OLFM2: variants seen among roughly 807,000 people sequenced by gnomAD.
OLFM2 encodes olfactomedin 2, also known as noelin-2.
In OLFM2, 20 loss-of-function variants were observed where a neutral mutation model predicts 43.9. That is an observed-to-expected ratio of 0.46 (90% CI 0.32 to 0.66). The LOEUF is 0.66. OLFM2 is among the 30% of genes least tolerant of loss of function. The probability of loss-of-function intolerance (pLI) is 0.04; values close to 1 mark genes in which losing one functional copy is unlikely to be tolerated. For synonymous variants in OLFM2, 268 were observed against 278.6 expected (o/e 0.96, Z 0.38); for missense variants, 416 against 643.6 (o/e 0.65, Z 3.83).
intron 1 of OLFM2, among the ~76,000 whole-genome samples, chr19:9,898,098 A>C (rs2046702259): frequency 6.9e-6 from 1 of 145,422 alleles, no homozygotes. Context: ...TGAGACAGAC[A>C]CGGGATTTCA....
intron 1 of OLFM2, chr19:9,913,619 G>A: frequency 7.7e-7 from 1 of 1,296,412 alleles, no homozygotes; most frequent in South Asian, 1.8e-5. Context: ...CACCGACATC[G>A]CGCCTCCGCC....
At chr19:9,909,818 C>T (rs73018064) in intron 1 of OLFM2, among the ~76,000 whole-genome samples, 6,108 of 152,220 alleles carry the variant, frequency 0.04, 172 homozygotes, top group Non-Finnish European at 0.062. Context: ...AATGTTTATT[C>T]CAGGCTTGGC....
chr19:9,925,982 TA>T (rs2086450079), intron 1 of OLFM2, among the ~76,000 whole-genome samples: 1 of 151,012 alleles, frequency 6.6e-6, no homozygotes, highest in Non-Finnish European at 1.5e-5. Context: ...AGAAAAAATT[TA>T]AGAATTAGCC....
chr19:9,899,189 C>T (rs1599488184), intron 1 of OLFM2, among the ~76,000 whole-genome samples: 1 of 151,872 alleles, frequency 6.6e-6, no homozygotes, highest in African/African-American at 2.4e-5. Context: ...CACTTGAACC[C>T]GGGAGGTGGA....
chr19:9,909,980 C>T (rs989234848), intron 1 of OLFM2, among the ~76,000 whole-genome samples: 12 of 151,886 alleles, frequency 7.9e-5, no homozygotes, highest in African/African-American at 1.9e-4. Context: ...GGCCTATGTG[C>T]GCCACACCTT....
At chr19:9,882,239 C>G (rs1304367227) in intron 1 of OLFM2, among the ~76,000 whole-genome samples, 1 of 138,894 alleles carries the variant, frequency 7.2e-6, no homozygotes, top group African/African-American at 2.7e-5. Flanking sequence ...GACCCTGTCT[C>G]AAAAAAGAAA....
intron 1 of OLFM2, among the ~76,000 whole-genome samples, chr19:9,880,496 C>T (rs557204479): frequency 6.6e-6 from 1 of 152,222 alleles, no homozygotes; most frequent in African/African-American, 2.4e-5. Context: ...CTTTAGGAGG[C>T]TAAGGTGGGA....
intron 1 of OLFM2, 34 bp from the exon 2 acceptor site, chr19:9,860,828 C>G (rs765155473): frequency 1.9e-6 from 3 of 1,583,906 alleles, no homozygotes; most frequent in Non-Finnish European, 2.6e-6. Context: ...ACCGGAATCC[C>G]AGTGAGGGTC....
chr19:9,913,780 C>G, intron 1 of OLFM2: 1 of 584,884 alleles, frequency 1.7e-6, no homozygotes, highest in Non-Finnish European at 2.2e-6. Context: ...TGAGGGGGGG[C>G]TCGGGGACGC....
At chr19:9,915,940 A>T (rs985892822) in intron 1 of OLFM2, among the ~76,000 whole-genome samples, 3 of 152,244 alleles carry the variant, frequency 2.0e-5, no homozygotes, top group African/African-American at 7.2e-5. Flanking sequence ...GTGTTTGAGG[A>T]CCAGGAAGGA....
At chr19:9,928,054 G>T (rs1895372) in intron 1 of OLFM2, among the ~76,000 whole-genome samples, 34,266 of 151,680 alleles carry the variant, frequency 0.23, 4,111 homozygotes, top group African/African-American at 0.3. Flanking sequence ...GAAAAAGAAA[G>T]AGAAAAATTA....
intron 1 of OLFM2, among the ~76,000 whole-genome samples, chr19:9,903,307 T>C (rs1259899202): frequency 1.3e-5 from 2 of 152,146 alleles, no homozygotes; most frequent in East Asian, 3.8e-4. Context: ...GGTGAACGCC[T>C]CCCTGTGAAC....
At chr19:9,855,505 T>C (rs1210826925) in intron 5 of OLFM2, among the ~76,000 whole-genome samples, 2 of 152,100 alleles carry the variant, frequency 1.3e-5, no homozygotes, top group East Asian at 3.9e-4. Flanking sequence ...CCCAAAGTGC[T>C]GGGATTACAG....
At chr19:9,896,345 CGCCTCA>C (rs2046685016) in intron 1 of OLFM2, among the ~76,000 whole-genome samples, 1 of 151,920 alleles carries the variant, frequency 6.6e-6, no homozygotes, top group African/African-American at 2.4e-5. Context: ...GTGATCCGCC[CGCCTCA>C]GCCTCCCAAA....
intron 1 of OLFM2, among the ~76,000 whole-genome samples, chr19:9,924,103 C>CAA (rs1047796253): frequency 0.051 from 1,043 of 20,650 alleles, 85 homozygotes; most frequent in Middle Eastern, 0.12. Flanking sequence ...CTCGTCTCTA[C>CAA]AAAAAAAAAA....
intron 1 of OLFM2, among the ~76,000 whole-genome samples, chr19:9,879,552 G>T (rs746440572): frequency 5.9e-5 from 9 of 152,024 alleles, no homozygotes; most frequent in Non-Finnish European, 5.9e-5. Flanking sequence ...GTTTCCTGAG[G>T]CCTCCCCAGC....
chr19:9,854,826 A>G lies in OLFM2; in HGVS notation c.725T>C (p.Val242Ala). ...YMDGYYKGRR[V>A]LEFRTLGDFI... ...GTCTCCCAGGGTACGGAACTCCAGG[A>G]CCCGGCGGCCTTTGTAATAGCCATC... The change falls in exon 6 of 6, where the codon GTC (valine) becomes GCC (alanine). Residue 242 changes from valine (V) to alanine (A), a missense_variant. Coordinates refer to ENST00000264833, the MANE Select transcript of OLFM2 (RefSeq NM_058164.4). This position sits in a 1 kb window ranked among gnomAD's most constrained non-coding sequence, Gnocchi z 9.5. The G allele has an allele frequency of 1.0e-5, 16 of 1,602,456 alleles. No homozygotes were observed. Among genetic ancestry groups the G allele is most frequent in the Non-Finnish European group, 1.4e-5 (16 of 1,172,318 alleles).
At chr19:9,894,162 G>A (rs953839856) in intron 1 of OLFM2, among the ~76,000 whole-genome samples, 9 of 151,930 alleles carry the variant, frequency 5.9e-5, no homozygotes, top group South Asian at 2.1e-4. Flanking sequence ...CCGTGGTGGC[G>A]CACGCCTGTA....
Position 9,936,310 on chromosome 19 carries a change from G to C in OLFM2, c.57C>G (p.Ala19=), listed in dbSNP as rs779665049. The C allele has an allele frequency of 1.1e-4, 163 of 1,527,670 alleles. 1 individual carries two copies. Among genetic ancestry groups the C allele is most frequent in the South Asian group, 1.8e-4 (15 of 83,684 alleles). The allele number at this position is 1,527,670 out of a possible 1,614,324, so 94.6% of individuals were successfully genotyped here. ...CTGCCCGCCGGGCCCCTACCTGTCCGGCCAGGCCTGAGCACAGCAGCAGCA... is the reference window on the plus strand; with the variant it reads ...CTGCCCGCCGGGCCCCTACCTGTCCCGCCAGGCCTGAGCACAGCAGCAGCA... ...PLLLLLCSGL[A]GQTLFQNPEE... Residue 19 remains alanine (A), a synonymous_variant, in exon 1 of 6, where the codon GCC becomes GCG. Coordinates refer to ENST00000264833, the MANE Select transcript of OLFM2 (RefSeq NM_058164.4).
Sources: allele counts gnomAD v4.1 joint callset (sites outside exome capture counted in the v4.1 genomes callset), GRCh38; gene constraint gnomAD v4.1.1; non-coding constraint Gnocchi (gnomAD v3.1); transcripts MANE v1.5; gene names NCBI Gene and HGNC (gene_info 2026-07-23, HGNC 2026-07-21).